MROH1: variants seen among roughly 807,000 people sequenced by gnomAD.
MROH1 encodes the protein maestro heat-like repeat-containing protein family member 1.
MROH1 carries 117 observed loss-of-function variants against 116.5 expected under a neutral mutation model. That is an observed-to-expected ratio of 1.00 (90% CI 0.86 to 1.17). The LOEUF (loss-of-function observed/expected upper bound fraction) is 1.17. Ranked by LOEUF, MROH1 falls within the 50% of genes most tolerant of loss-of-function variation. The probability of loss-of-function intolerance (pLI) is 0.00; values close to 1 mark genes in which losing one functional copy is unlikely to be tolerated. For missense variants in MROH1, 1,873 were observed against 1,338.5 expected (o/e 1.40, Z -6.23); for synonymous variants, 921 against 583.9 (o/e 1.58, Z -8.32).
chr8:144,201,096 C>T (rs1381426155), intron 12 of MROH1: 2 of 151,304 alleles, frequency 1.3e-5, no homozygotes, highest in Admixed American at 1.3e-4. Context: ...CTTGCTCTGT[C>T]GCCAGGCTGG....
Position 144,231,770 on chromosome 8 carries a change from C to T in MROH1, c.1339-6986C>T, listed in dbSNP as rs139575289. ...AGCACAGGCTGTTGAAAAAGGCGCC[C>T]GTAGACTCACTGGACACAGGGCTGC... On this transcript the variant is annotated intron_variant, in intron 14 of 43. Transcript: ENST00000326134. 1.9e-4 allele frequency among the ~76,000 whole-genome samples: 29 copies of T among 152,292 alleles called. 2 individuals carry two copies. Among genetic ancestry groups the T allele is most frequent in the African/African-American group, 6.0e-4 (25 of 41,572 alleles).
At chr8:144,215,170 T>C (rs1437423517) in intron 12 of MROH1, among the ~76,000 whole-genome samples, 4 of 152,226 alleles carry the variant, frequency 2.6e-5, no homozygotes, top group African/African-American at 9.6e-5. Context: ...CTAATTAAGT[T>C]GACACTCAAC....
At chr8:144,203,466 G>A (rs1832125075) in intron 12 of MROH1, among the ~76,000 whole-genome samples, 2 of 150,868 alleles carry the variant, frequency 1.3e-5, no homozygotes, top group South Asian at 4.2e-4. Context: ...TGGAGGGGAA[G>A]GGAGGGAAGC....
chr8:144,259,189 A>G (rs2129966326), intron 36 of MROH1, 51 bp from the exon 37 acceptor site: 1 of 705,928 alleles, frequency 1.4e-6, no homozygotes, highest in East Asian at 2.7e-5. Context: ...GTGCCTGGGT[A>G]GGGTTCAGCA....
intron 12 of MROH1, chr8:144,212,967 T>C: frequency 1.3e-6 from 1 of 763,414 alleles, no homozygotes; most frequent in Non-Finnish European, 2.5e-6. Flanking sequence ...ATCCCATAAT[T>C]ACCATTTGTT....
chr8:144,234,891 C>T (rs1267156676), intron 14 of MROH1, among the ~76,000 whole-genome samples: 4 of 103,564 alleles, frequency 3.9e-5, no homozygotes, highest in Non-Finnish European at 7.4e-5. Flanking sequence ...CTTTTTCTTT[C>T]TTTTTTTTTT....
At chr8:144,250,169 T>C (rs1309899557) in intron 32 of MROH1, 43 bp from the exon 33 acceptor site, 4 of 752,414 alleles carry the variant, frequency 5.3e-6, no homozygotes, top group Non-Finnish European at 9.7e-6. Flanking sequence ...CCCACAGCTG[T>C]CCCCCACGCG....
chr8:144,164,530 A>G (rs1253721150), intron 3 of MROH1, among the ~76,000 whole-genome samples: 1 of 151,880 alleles, frequency 6.6e-6, no homozygotes, highest in Non-Finnish European at 1.5e-5. Context: ...TCAGCCTCCC[A>G]AGTAGCTGGG....
rs984225589 is a variant in MROH1 at position 144,247,370 on chromosome 8, C to T, written c.2941C>T (p.Pro981Ser). 38 of 771,664 alleles carry T rather than the reference C, an allele frequency of 4.9e-5. No individual in the cohort carries two copies. Among genetic ancestry groups the T allele is most frequent in the Admixed American group, 4.0e-4 (23 of 57,954 alleles). The allele number at this position is 771,664 out of a possible 1,614,324, so 47.8% of individuals were successfully genotyped here. Residue 981 changes from proline (P) to serine (S), a missense_variant, in exon 30 of 44, where the codon CCT (proline) becomes TCT (serine). Coordinates refer to ENST00000326134, the MANE Select transcript of MROH1 (RefSeq NM_032450.3). ...LFSPRCADLWPATRQEAVDCV... is the reference protein window; with the variant it reads ...LFSPRCADLWSATRQEAVDCV... Reference sequence around the variant, plus strand: ...CTCCCCACGGTGTGCGGACCTGTGGCCTGCCACCCGCCAGGAGGCCGTGGA... The same window carrying T: ...CTCCCCACGGTGTGCGGACCTGTGGTCTGCCACCCGCCAGGAGGCCGTGGA...
chr8:144,224,131 G>A (rs1837346885), intron 14 of MROH1, among the ~76,000 whole-genome samples: 1 of 152,134 alleles, frequency 6.6e-6, no homozygotes, highest in African/African-American at 2.4e-5. Context: ...CTCTGTTTTA[G>A]TCTTTCAGTT....
chr8:144,218,192 G>A (rs1054790284), intron 12 of MROH1, among the ~76,000 whole-genome samples: 7 of 152,118 alleles, frequency 4.6e-5, no homozygotes, highest in Non-Finnish European at 7.4e-5. Context: ...TAAACAGGCC[G>A]CCCTGCATAT....
At chr8:144,219,179 T>C (rs962270647) in intron 12 of MROH1, among the ~76,000 whole-genome samples, 4 of 151,738 alleles carry the variant, frequency 2.6e-5, no homozygotes, top group East Asian at 2.0e-4. Context: ...TCCACCACCA[T>C]GCCCGGCTAA....
intron 14 of MROH1, among the ~76,000 whole-genome samples, chr8:144,233,241 G>A (rs572901059): frequency 3.4e-4 from 52 of 151,948 alleles, no homozygotes; most frequent in African/African-American, 1.2e-3. Flanking sequence ...TCACATTGTT[G>A]TGGAGCCATC....
rs1294562479 is a variant in MROH1 at position 144,180,096 on chromosome 8, C to T, written c.301-82C>T. On this transcript the variant is annotated intron_variant, in intron 5 of 43. Coordinates refer to ENST00000326134, the MANE Select transcript of MROH1 (RefSeq NM_032450.3). The surrounding 1 kb of genome is among the most constrained non-coding windows in gnomAD (Gnocchi z 7.4). ...TTCTGGGGACGCTGAAAACAGCGTGCGCTTGTCCAAGGCTGGCAGCGACTG... is the reference window on the plus strand; with the variant it reads ...TTCTGGGGACGCTGAAAACAGCGTGTGCTTGTCCAAGGCTGGCAGCGACTG... 1.6e-5 allele frequency: 24 copies of T among 1,545,268 alleles called. No homozygotes were observed. The highest frequency in any genetic ancestry group is 1.9e-5 in the Non-Finnish European group (22 of 1,128,930).
chr8:144,149,043 T>G (rs1187728131), intron 1 of MROH1, among the ~76,000 whole-genome samples: 1 of 151,582 alleles, frequency 6.6e-6, no homozygotes, highest in Non-Finnish European at 1.5e-5. Context: ...ATAAGTCAGG[T>G]GAGGGTGGTG....
Position 144,239,657 on chromosome 8 carries a change from C to T in MROH1, c.1676C>T (p.Ala559Val), listed in dbSNP as rs918484062. 5.7e-4 allele frequency: 440 copies of T among 765,318 alleles called. No individual in the cohort carries two copies. Among genetic ancestry groups the T allele is most frequent in the Non-Finnish European group, 9.3e-4 (382 of 411,174 alleles). The allele number at this position is 765,318 out of a possible 1,614,324, so 47.4% of individuals were successfully genotyped here. A position where few individuals can be genotyped will look rare whatever the true frequency, so the allele number is the denominator to read the frequency against. Residue 559 changes from alanine (A) to valine (V), a missense_variant, in exon 18 of 44, where the codon GCG becomes GTG. Coordinates refer to ENST00000326134, the MANE Select transcript of MROH1 (RefSeq NM_032450.3). ...SPYLGDGRGA[A>V]ALRLLSVLHP... ...TACCTAGGGGACGGACGTGGGGCAG[C>T]GGCGCTGCGCCTCCTCAGTGTTCTG...
In MROH1 at chr8:144,258,823, G is replaced by A. The variant is rs1028473524; in HGVS notation, c.3838G>A (p.Glu1280Lys). The A allele has an allele frequency of 1.3e-6, 1 of 769,714 alleles. No individual in the cohort carries two copies. The highest frequency in any genetic ancestry group is 2.4e-6 in the Non-Finnish European group (1 of 414,510). The allele number at this position is 769,714 out of a possible 1,614,324, so 47.7% of individuals were successfully genotyped here. A position where few individuals can be genotyped will look rare whatever the true frequency, so the allele number is the denominator to read the frequency against. Residue 1280 changes from glutamate to lysine, a missense_variant, in exon 36 of 44, where the codon GAG (glutamate) becomes AAG (lysine). Coordinates refer to ENST00000326134, the MANE Select transcript of MROH1 (RefSeq NM_032450.3). Reference sequence around the variant, plus strand: ...GTCCATGCTACTCCGCAGCGGCAGCGAGGATGTGGTACAGCGCATGGACCT... The same window carrying A: ...GTCCATGCTACTCCGCAGCGGCAGCAAGGATGTGGTACAGCGCATGGACCT... The part of the protein sequence containing the change: ...LRSMLLRSGS[E>K]DVVQRMDLEG...
In MROH1 at chr8:144,163,472, C is replaced by G. The variant is rs1035605951; in HGVS notation, c.-56-299C>G. ...GATGCTGTAGGTGGAGGTGCATCCA[C>G]TCCTGCTGGGGCTGATGGTGACGAG... On this transcript the variant is annotated intron_variant, in intron 2 of 43. Coordinates refer to ENST00000326134, the MANE Select transcript of MROH1 (RefSeq NM_032450.3). The surrounding 1 kb of genome is among the most constrained non-coding windows in gnomAD (Gnocchi z 4.4). 1.1e-4 allele frequency among the ~76,000 whole-genome samples: 17 copies of G among 152,132 alleles called. No homozygotes were observed. Among genetic ancestry groups the G allele is most frequent in the Admixed American group, 6.5e-5 (1 of 15,270 alleles).
rs984202850 is a variant in MROH1, at chr8:144,168,533, TG to T, written c.168+96del. ...GAAGAGACAGTCCAGCCAGGAGCAGTGGGTCGGGTGTTACGCAGGGGTGGCC... is the reference window on the plus strand; with the variant it reads ...GAAGAGACAGTCCAGCCAGGAGCAGTGGTCGGGTGTTACGCAGGGGTGGCC... On this transcript the variant is annotated intron_variant, in intron 4 of 43. Transcript: ENST00000326134. The T allele has an allele frequency of 4.8e-6, 7 of 1,464,596 alleles. No homozygotes were observed. The South Asian group carries it at 9.2e-5, about 19-fold the overall frequency. The allele number at this position is 1,464,596 out of a possible 1,614,324, so 90.7% of individuals were successfully genotyped here. A position where few individuals can be genotyped will look rare whatever the true frequency, so the allele number is the denominator to read the frequency against.
Sources: allele counts gnomAD v4.1 joint callset (sites outside exome capture counted in the v4.1 genomes callset), GRCh38; gene constraint gnomAD v4.1.1; non-coding constraint Gnocchi (gnomAD v3.1); transcripts MANE v1.5; gene names NCBI Gene and HGNC (gene_info 2026-07-23, HGNC 2026-07-21).